BFSP2: variants seen among roughly 807,000 people sequenced by gnomAD.
BFSP2 encodes phakinin.
A neutral mutation model predicts 44.9 loss-of-function variants in BFSP2; 38 were observed. That is an observed-to-expected ratio of 0.85 (90% CI 0.65 to 1.11). BFSP2 has a LOEUF of 1.11. Among genes scored for constraint, BFSP2 ranks in the 50% least tolerant of loss-of-function variants. The pLI is 0.00. For synonymous variants in BFSP2, 197 were observed against 209.9 expected, an observed-to-expected ratio of 0.94 and a Z score of 0.53; for missense variants, 525 against 533.0, an observed-to-expected ratio of 0.99 and a Z score of 0.15.
In BFSP2 at chr3:133,400,329, T is replaced by C. The variant is rs145934653; in HGVS notation, c.246T>C (p.Ser82=). Residue 82 remains serine (S), a synonymous_variant, in exon 1 of 7, where the codon AGT becomes AGC. Transcript: ENST00000302334. This position sits in a 1 kb window ranked among gnomAD's most constrained non-coding sequence, Gnocchi z 4.0. Reference sequence around the variant, plus strand: ...CCCGCCGGGCCCTCGGCATCAGCAGTGTCTTCCTTCAGGGCCTGCGGAGCT... The same window carrying C: ...CCCGCCGGGCCCTCGGCATCAGCAGCGTCTTCCTTCAGGGCCTGCGGAGCT... ...RVTRRALGIS[S]VFLQGLRSSG... The C allele has an allele frequency of 1.2e-3, 1,929 of 1,614,030 alleles. 10 individuals are homozygous for C. The highest frequency in any genetic ancestry group is 8.7e-3 in the South Asian group (788 of 91,086).
Position 133,472,542 on chromosome 3 carries a change from C to T in BFSP2, c.1221C>T (p.Ala407=), listed in dbSNP as rs2074174890. 6.2e-7 allele frequency: 1 copy of T among 1,612,278 alleles called. No homozygotes were observed. Among genetic ancestry groups the T allele is most frequent in the Non-Finnish European group, 8.5e-7 (1 of 1,179,938 alleles). The part of the protein sequence containing the change: ...QLQKDVASYH[A]LLDREESG ...AGAAGGACGTGGCGTCCTACCACGCCCTGCTGGACAGGGAGGAGAGCGGGT... is the reference window on the plus strand; with the variant it reads ...AGAAGGACGTGGCGTCCTACCACGCTCTGCTGGACAGGGAGGAGAGCGGGT... The change falls in exon 6 of 7, where the codon GCC becomes GCT. Residue 407 remains alanine (A), a synonymous_variant. Transcript: ENST00000302334.
intron 1 of BFSP2, among the ~76,000 whole-genome samples, chr3:133,443,220 A>G (rs914898270): frequency 6.6e-6 from 1 of 152,230 alleles, no homozygotes; most frequent in African/African-American, 2.4e-5. Context: ...GAAATAGCCA[A>G]GTGAAGACCT....
intron 5 of BFSP2, 99 bp from the exon 6 acceptor site, chr3:133,472,246 T>TC: frequency 7.5e-7 from 1 of 1,326,466 alleles, no homozygotes; most frequent in Non-Finnish European, 1.0e-6. Context: ...AGGGGAATAG[T>TC]CCAGGCTACC....
At chr3:133,443,121 A>G (rs1307601702) in intron 1 of BFSP2, among the ~76,000 whole-genome samples, 2 of 152,124 alleles carry the variant, frequency 1.3e-5, no homozygotes, top group Non-Finnish European at 2.9e-5. Flanking sequence ...CAGCCTCCCA[A>G]AGTGCTGGGA....
chr3:133,424,534 A>T (rs1342472301), intron 1 of BFSP2, among the ~76,000 whole-genome samples: 1 of 151,394 alleles, frequency 6.6e-6, no homozygotes, highest in Non-Finnish European at 1.5e-5. Flanking sequence ...AATCTCTCCC[A>T]CCTCCAGCTG....
At position 133,432,834 on chromosome 3, in the gene BFSP2, G is replaced by A. The variant is rs140440595; in HGVS notation, c.490-14483G>A. Among the ~76,000 whole-genome samples, 463 of 152,170 alleles carry A rather than the reference G, an allele frequency of 3.0e-3. 1 individual carries two copies. Among genetic ancestry groups the A allele is most frequent in the African/African-American group, 0.01 (424 of 41,502 alleles). On this transcript the variant is annotated intron_variant, in intron 1 of 6. Transcript: ENST00000302334. ...TTTCCTTCCTAGGCATGGTTAGCGC[G>A]GTCAGAATTCTTACACAAGAGCCAG...
chr3:133,416,352 C>T (rs2073529090), intron 1 of BFSP2, among the ~76,000 whole-genome samples: 1 of 143,438 alleles, frequency 7.0e-6, no homozygotes, highest in Non-Finnish European at 1.5e-5. Context: ...CACCCCTGTC[C>T]TGTCCCCTCT....
At chr3:133,408,611 A>C (rs13094547) in intron 1 of BFSP2, among the ~76,000 whole-genome samples, 2,125 of 152,336 alleles carry the variant, frequency 0.014, 17 homozygotes, top group South Asian at 0.035. Context: ...ATACTGGAAA[A>C]ATCCAAATAC....
chr3:133,453,203 C>A (rs962258593), intron 4 of BFSP2, among the ~76,000 whole-genome samples: 2 of 152,216 alleles, frequency 1.3e-5, no homozygotes, highest in African/African-American at 4.8e-5. Flanking sequence ...TTGTCAGTTG[C>A]AGTTGTGCCC....
chr3:133,426,821 G>A (rs1256027599), intron 1 of BFSP2, among the ~76,000 whole-genome samples: 3 of 152,216 alleles, frequency 2.0e-5, no homozygotes, highest in Non-Finnish European at 2.9e-5. Flanking sequence ...GACACCCTAC[G>A]TGATATGGGC....
At chr3:133,439,571 A>C (rs949015975) in intron 1 of BFSP2, among the ~76,000 whole-genome samples, 2 of 152,252 alleles carry the variant, frequency 1.3e-5, no homozygotes, top group South Asian at 2.1e-4. Flanking sequence ...AGCCTGAGCC[A>C]GGGTTTGAAG....
intron 1 of BFSP2, among the ~76,000 whole-genome samples, chr3:133,446,790 GT>G (rs1401869683): frequency 6.6e-6 from 1 of 151,064 alleles, no homozygotes; most frequent in East Asian, 2.0e-4. Context: ...TCACGTGTAT[GT>G]TTTGGGGGAG....
chr3:133,452,707 G>A (rs1315089507), intron 4 of BFSP2, among the ~76,000 whole-genome samples: 3 of 152,154 alleles, frequency 2.0e-5, no homozygotes, highest in Non-Finnish European at 4.4e-5. Flanking sequence ...TCTTGGTCCA[G>A]AGACCTTTTC....
chr3:133,448,959 C>T (rs1371222795), intron 3 of BFSP2: 1 of 347,556 alleles, frequency 2.9e-6, no homozygotes, highest in Non-Finnish European at 5.4e-6. Context: ...CATTCTATGT[C>T]AGGTTTTTTT....
At chr3:133,473,242 A>G (rs1458707110) in intron 6 of BFSP2, among the ~76,000 whole-genome samples, 7 of 152,108 alleles carry the variant, frequency 4.6e-5, no homozygotes, top group Non-Finnish European at 8.8e-5. Flanking sequence ...CATTTATTTA[A>G]GAGTCCCAGA....
At chr3:133,410,315 G>C in intron 1 of BFSP2, 1 of 369,142 alleles carries the variant, frequency 2.7e-6, no homozygotes, top group Non-Finnish European at 5.3e-6. Context: ...ACCGGTGCAG[G>C]TGGCAGCAGT....
chr3:133,470,221 G>A (rs1185447729), intron 5 of BFSP2, among the ~76,000 whole-genome samples: 3 of 152,130 alleles, frequency 2.0e-5, no homozygotes, highest in South Asian at 2.1e-4. Context: ...TCAGACAGAT[G>A]AGAATCTGAC....
intron 1 of BFSP2, among the ~76,000 whole-genome samples, chr3:133,402,642 TC>T (rs1371791801): frequency 6.7e-6 from 1 of 149,850 alleles, no homozygotes; most frequent in Non-Finnish European, 1.5e-5. Flanking sequence ...AGTTATTATT[TC>T]TTTTTTTTTT....
chr3:133,404,751 C>T (rs905144722), intron 1 of BFSP2: 1 of 152,202 alleles, frequency 6.6e-6, no homozygotes, highest in Non-Finnish European at 1.5e-5. Flanking sequence ...TGGGGCCCCA[C>T]ATTTTGCACT....
Sources: gnomAD v4.1 joint callset for allele counts (sites outside exome capture counted in the v4.1 genomes callset) on GRCh38, gnomAD v4.1.1 for gene constraint, Gnocchi (gnomAD v3.1) non-coding constraint, MANE v1.5 for transcripts, NCBI Gene and HGNC (gene_info 2026-07-23, HGNC 2026-07-21) for gene names.